INTS6: variants seen among roughly 807,000 people sequenced by gnomAD.
The protein encoded by INTS6 is DEAD box protein.
Under a neutral mutation model 104.9 loss-of-function variants are expected in INTS6, and 16 were observed. That is an observed-to-expected ratio of 0.15 (90% CI 0.10 to 0.23). The LOEUF is 0.23. INTS6 is among the 10% of genes least tolerant of loss of function. The pLI is 1.00. For synonymous variants in INTS6, 324 were observed against 358.7 expected (o/e 0.90, Z 1.09); for missense variants, 584 against 1,062.8 (o/e 0.55, Z 6.26).
intron 3 of INTS6, among the ~76,000 whole-genome samples, chr13:51,431,531 C>T (rs188334155): frequency 1.3e-5 from 2 of 152,182 alleles, no homozygotes; most frequent in Non-Finnish European, 2.9e-5. Context: ...ATTCTATGGT[C>T]CTATAACCTT....
In INTS6 at chr13:51,371,670, TCTAGCAAC is replaced by T. The variant is rs149779550; in HGVS notation, c.2105-2368_2105-2361del. Among the ~76,000 whole-genome samples, 75 of 152,114 alleles carry T rather than the reference TCTAGCAAC, an allele frequency of 4.9e-4. 1 individual carries two copies. In the East Asian group the frequency reaches 0.014, roughly 29 times the overall value. ...ATCTCTACTTGGATCCCAGGCACTG[TCTAGCAAC>T]CTTATCACAATCTTTTCTCTCTCTC... is the stretch of plus-strand genomic sequence containing the variant. On this transcript the variant is annotated intron_variant, in intron 15 of 17. Transcript: ENST00000311234.
In INTS6 at chr13:51,382,030, C is replaced by T. The variant is rs1566213379; in HGVS notation, c.1274G>A (p.Gly425Glu). 1 of 1,600,710 alleles carries T rather than the reference C, an allele frequency of 6.2e-7. No individual in the cohort carries two copies. Residue 425 changes from glycine (G) to glutamate (E), a missense_variant and splice_region_variant, in exon 10 of 18, where the codon GGG (glycine) becomes GAG (glutamate). Gly to Glu is a moderately conservative substitution (Grantham distance 98). Around this residue, in one of 5 missense-constraint regions of INTS6, gnomAD observed 144 missense variants for 348.7 expected, o/e 0.41. Coordinates refer to ENST00000311234, the MANE Select transcript of INTS6 (RefSeq NM_012141.3). ...AGTTCTTTTAAATAATATTCTTACC[C>T]CAAGATAGTAGGGAGGCATTGTCTT... The part of the protein sequence containing the change: ...YLKTMPPYYL[G>E]PLKKAVRMMG...
chr13:51,430,523 TAAGAA>T (rs1379613283), intron 3 of INTS6, 140 bp from the exon 4 acceptor site: 1 of 552,450 alleles, frequency 1.8e-6, no homozygotes, highest in East Asian at 2.9e-5. Flanking sequence ...TTGTACATTT[TAAGAA>T]AAGATATAGA....
At chr13:51,422,717 C>A (rs1005477532) in intron 4 of INTS6, among the ~76,000 whole-genome samples, 2 of 152,078 alleles carry the variant, frequency 1.3e-5, no homozygotes, top group Non-Finnish European at 2.9e-5. Flanking sequence ...ATCTTCAATA[C>A]CTTCCCTGCA....
chr13:51,361,904 AT>A lies in INTS6; in HGVS notation c.*3847del. 1 of 1,611,806 alleles carries A rather than the reference AT, an allele frequency of 6.2e-7. No individual in the cohort carries two copies. Among genetic ancestry groups the A allele is most frequent in the Non-Finnish European group, 8.5e-7 (1 of 1,178,546 alleles). On this transcript the variant is annotated 3_prime_UTR_variant, in exon 18 of 18. Coordinates refer to ENST00000311234, the MANE Select transcript of INTS6 (RefSeq NM_012141.3). ...GAGAACCTAACACAGGTATTACAGT[AT>A]TTTTTGACAGGATTCAGATAATTTA...
chr13:51,419,314 G>A (rs1017341323), intron 4 of INTS6, among the ~76,000 whole-genome samples: 1 of 152,122 alleles, frequency 6.6e-6, no homozygotes, highest in African/African-American at 2.4e-5. Flanking sequence ...CCATCTGTAA[G>A]GTTCAATCTA....
Position 51,435,328 on chromosome 13 carries a change from C to T in INTS6, c.340-4945G>A, listed in dbSNP as rs180777024. Reference sequence around the variant, plus strand: ...TTCTAGCTCTAGAGCTACTTACTAACAGGAGTCAATCTGTCATTAAAAATT... The same window carrying T: ...TTCTAGCTCTAGAGCTACTTACTAATAGGAGTCAATCTGTCATTAAAAATT... On this transcript the variant is annotated intron_variant, in intron 3 of 17. Transcript: ENST00000311234. Among the ~76,000 whole-genome samples, 47 of 151,952 alleles carry T rather than the reference C, an allele frequency of 3.1e-4. No individual in the cohort carries two copies. The East Asian group carries it at 8.9e-3, about 29-fold the overall frequency.
the INTS6 span, chr13:51,347,051 G>A: frequency 1.3e-6 from 2 of 1,591,038 alleles, no homozygotes. Flanking sequence ...GGGCCCTGGT[G>A]GCTGGCCGTG....
chr13:51,393,980 T>A (rs1206333140), intron 5 of INTS6, among the ~76,000 whole-genome samples: 1 of 152,022 alleles, frequency 6.6e-6, no homozygotes, highest in African/African-American at 2.4e-5. Context: ...GTGAGAATGT[T>A]ATAGCCTCCA....
intron 4 of INTS6, among the ~76,000 whole-genome samples, chr13:51,396,496 G>C (rs1956340884): frequency 6.6e-6 from 1 of 152,112 alleles, no homozygotes; most frequent in Non-Finnish European, 1.5e-5. Flanking sequence ...CAGAGTAACA[G>C]TGTACAAACA....
chr13:51,356,510 T>C (rs1256966471), intron 3 of INTS6, among the ~76,000 whole-genome samples: 1 of 152,170 alleles, frequency 6.6e-6, no homozygotes, highest in Non-Finnish European at 1.5e-5. Context: ...AAAAACTGTA[T>C]TTTCTTCTAC....
chr13:51,431,835 A>T lies in INTS6; in HGVS notation c.340-1452T>A, dbSNP rs144347889. On this transcript the variant is annotated intron_variant, in intron 3 of 17. Coordinates refer to ENST00000311234, the MANE Select transcript of INTS6 (RefSeq NM_012141.3). ...ATGCATAGCAGCATTAAAATGTCACAGGAGTCTTGCAGGGAGAAAACATGA... is the reference window on the plus strand; with the variant it reads ...ATGCATAGCAGCATTAAAATGTCACTGGAGTCTTGCAGGGAGAAAACATGA... Among the ~76,000 whole-genome samples the T allele has an allele frequency of 8.5e-3, 1,291 of 152,300 alleles. 15 individuals are homozygous for T. Among genetic ancestry groups the T allele is most frequent in the South Asian group, 0.045 (216 of 4,828 alleles).
chr13:51,392,486 A>C (rs985679665), intron 5 of INTS6, among the ~76,000 whole-genome samples: 27 of 152,128 alleles, frequency 1.8e-4, no homozygotes, highest in Admixed American at 8.5e-4. Flanking sequence ...CTATTACTCT[A>C]TTCCTCCCTA....
At chr13:51,348,552 C>G in the INTS6 span, 1 of 650,530 alleles carries the variant, frequency 1.5e-6, no homozygotes, top group South Asian at 1.9e-5. Context: ...GAAGTTAGAC[C>G]AAGAGGAAGT....
rs753468521 is a variant in INTS6 at position 51,365,746 on chromosome 13, T to G, written c.*6A>C. 2 of 1,476,884 alleles carry G rather than the reference T, an allele frequency of 1.4e-6. No homozygotes were observed. The highest frequency in any genetic ancestry group is 1.9e-6 in the Non-Finnish European group (2 of 1,073,336). The allele number at this position is 1,476,884 out of a possible 1,614,324, so 91.5% of individuals were successfully genotyped here. A position where few individuals can be genotyped will look rare whatever the true frequency, so the allele number is the denominator to read the frequency against. The stretch of plus-strand genomic sequence containing the variant: ...AGTGAAATAAGTGGCCACATTCTAT[T>G]TTCTTTTAATTGCTATTAATATGGT... On this transcript the variant is annotated 3_prime_UTR_variant, in exon 18 of 18. Coordinates refer to ENST00000311234, the MANE Select transcript of INTS6 (RefSeq NM_012141.3).
At chr13:51,389,863 C>A (rs1185585364) in intron 5 of INTS6, among the ~76,000 whole-genome samples, 3 of 152,000 alleles carry the variant, frequency 2.0e-5, no homozygotes, top group Admixed American at 6.6e-5. Flanking sequence ...AAATCTTATT[C>A]CTGCTTAACA....
rs753607132 is a variant in INTS6 at position 51,430,429 on chromosome 13, C to T, written c.340-46G>A. 8.1e-6 allele frequency: 12 copies of T among 1,475,558 alleles called. No homozygotes were observed. In the South Asian group the frequency reaches 9.5e-5, roughly 12 times the overall value. 91.4% of individuals were successfully genotyped at this position (1,475,558 alleles called of 1,614,324 possible). On this transcript the variant is annotated intron_variant, in intron 3 of 17. Coordinates refer to ENST00000311234, the MANE Select transcript of INTS6 (RefSeq NM_012141.3). The stretch of plus-strand genomic sequence containing the variant: ...GATCATACAAAGATTTAGACTTTGG[C>T]TTACAAAGTAAAAAGTCAATTCTCA...
At chr13:51,421,985 T>A (rs1194428694) in intron 4 of INTS6, among the ~76,000 whole-genome samples, 3 of 152,140 alleles carry the variant, frequency 2.0e-5, no homozygotes, top group Admixed American at 6.6e-5. Flanking sequence ...GATTTAACGC[T>A]TATTTATTTA....
intron 4 of INTS6, among the ~76,000 whole-genome samples, chr13:51,396,026 G>A (rs1956331097): frequency 6.6e-6 from 1 of 151,926 alleles, no homozygotes; most frequent in Non-Finnish European, 1.5e-5. Context: ...TCAAACTCCC[G>A]ATCTCAGGTG....
Sources: gnomAD v4.1 joint callset for allele counts (sites outside exome capture counted in the v4.1 genomes callset) on GRCh38, gnomAD v4.1.1 for gene constraint, gnomAD v4.1.1 regional missense constraint, MANE v1.5 for transcripts, NCBI Gene and HGNC (gene_info 2026-07-23, HGNC 2026-07-21) for gene names.